The following SP3 variants were observed in gnomAD, a reference collection of about 807,000 sequenced individuals.
SP3 encodes the protein Sp3 transcription factor, also known as transcription factor Sp3.
SP3 carries 10 observed loss-of-function variants against 70.3 expected under a neutral mutation model. The ratio of observed to expected loss-of-function variants is 0.14; its 90% CI spans 0.09 to 0.24. SP3 has a LOEUF of 0.24. Ranked by LOEUF, SP3 falls within the 10% of genes least tolerant of loss-of-function variation. SP3 has a pLI of 1.00. For missense variants in SP3, 825 were observed against 914.6 expected (o/e 0.90, Z 1.26); for synonymous variants, 402 against 333.5 (o/e 1.21, Z -2.24).
chr2:173,927,749 C>G (rs963418900), intron 4 of SP3, among the ~76,000 whole-genome samples: 1 of 152,052 alleles, frequency 6.6e-6, no homozygotes. Flanking sequence ...ATTTGTGTAT[C>G]GCTTTAAAAA....
intron 4 of SP3, among the ~76,000 whole-genome samples, chr2:173,919,654 G>A (rs1007743890): frequency 2.0e-5 from 3 of 152,154 alleles, no homozygotes; most frequent in Admixed American, 6.5e-5. Flanking sequence ...AATTCACAAT[G>A]AGATATCATT....
rs1240986316 is a variant in SP3 at position 173,965,178 on chromosome 2, T to C, written c.-7A>G. 3.9e-6 allele frequency: 6 copies of C among 1,545,894 alleles called. No individual in the cohort carries two copies. The East Asian group carries it at 7.4e-5, about 19-fold the overall frequency. On this transcript the variant is annotated 5_prime_UTR_variant, in exon 1 of 7. Coordinates refer to ENST00000310015, the MANE Select transcript of SP3 (RefSeq NM_003111.5). Reference sequence around the variant, plus strand: ...GGCTTTACGTACCGGTCATAGTGTGTTTAGGGCACCTCAGGCGGGGCTCCC... The same window carrying C: ...GGCTTTACGTACCGGTCATAGTGTGCTTAGGGCACCTCAGGCGGGGCTCCC...
intron 1 of SP3, 200 bp from the exon 2 acceptor site, chr2:173,964,753 C>CCCTCCT (rs1050310605): frequency 4.7e-6 from 2 of 425,134 alleles, no homozygotes; most frequent in Non-Finnish European, 8.2e-6. Flanking sequence ...CTGCCTGTAA[C>CCCTCCT]CCTCCTCCTC....
chr2:173,922,632 T>C (rs1042344471), intron 4 of SP3, among the ~76,000 whole-genome samples: 1 of 151,224 alleles, frequency 6.6e-6, no homozygotes, highest in African/African-American at 2.4e-5. Flanking sequence ...AGAGTGCCAG[T>C]GAGATATGAG....
intron 3 of SP3, among the ~76,000 whole-genome samples, chr2:173,962,700 T>C (rs1691125318): frequency 6.6e-6 from 1 of 151,736 alleles, no homozygotes; most frequent in South Asian, 2.1e-4. Context: ...CTATACCAAA[T>C]ACCAAACTTC....
At chr2:173,938,194 AAGTTATAATCCC>A (rs1690261949) in intron 4 of SP3, among the ~76,000 whole-genome samples, 1 of 152,118 alleles carries the variant, frequency 6.6e-6, no homozygotes, top group Non-Finnish European at 1.5e-5. Context: ...CATCTGAACA[AAGTTATAATCCC>A]AGCACTTTGG....
At chr2:173,913,783 T>A (rs1689553308) in intron 5 of SP3, 1 of 152,196 alleles carries the variant, frequency 6.6e-6, no homozygotes, top group African/African-American at 2.4e-5. Flanking sequence ...CATATTTGTG[T>A]GGCCACACTC....
At chr2:173,938,732 G>A (rs1362929447) in intron 4 of SP3, among the ~76,000 whole-genome samples, 1 of 152,110 alleles carries the variant, frequency 6.6e-6, no homozygotes, top group Non-Finnish European at 1.5e-5. Context: ...TGCGGGATAA[G>A]GCAGTATCTG....
chr2:173,964,956 G>A, intron 1 of SP3: 1 of 613,950 alleles, frequency 1.6e-6, no homozygotes. Context: ...CCGGGGCCTG[G>A]CGGGGAGACG....
In SP3 at chr2:173,903,814, C is replaced by T. The variant is rs1444855454; in HGVS notation, c.*6127G>A. Among the ~76,000 whole-genome samples the T allele has an allele frequency of 6.6e-6, 1 of 152,170 alleles. No homozygotes were observed. The highest frequency in any genetic ancestry group is 2.4e-5 in the African/African-American group (1 of 41,448). On this transcript the variant is annotated 3_prime_UTR_variant, in exon 7 of 7. Transcript: ENST00000310015. ...GTTTTCTTGGACACATTCTACCAGT[C>T]TTTCAAGGCCCACCCTTTCTGATTC... is the stretch of plus-strand genomic sequence containing the variant.
chr2:173,953,793 A>AAC lies in SP3; in HGVS notation c.1639+1079_1639+1080insGT, dbSNP rs1211983306. Among the ~76,000 whole-genome samples, 317 of 152,112 alleles carry AAC rather than the reference A, an allele frequency of 2.1e-3. 2 individuals carry two copies. The highest frequency in any genetic ancestry group is 7.4e-3 in the African/African-American group (305 of 41,452). On this transcript the variant is annotated intron_variant, in intron 4 of 6. Transcript: ENST00000310015. ...AAAAAACAAAACAAAACAAAAAAAA[A>AAC]AACAACTACTGCTCTAAACCAGTTT...
At chr2:173,929,827 G>A (rs1229657735) in intron 4 of SP3, among the ~76,000 whole-genome samples, 1 of 152,182 alleles carries the variant, frequency 6.6e-6, no homozygotes, top group Non-Finnish European at 1.5e-5. Flanking sequence ...ATGGGGCAGA[G>A]AGCAAGATCA....
At chr2:173,911,330 A>C (rs1689477259) in intron 6 of SP3, among the ~76,000 whole-genome samples, 1 of 152,208 alleles carries the variant, frequency 6.6e-6, no homozygotes, top group African/African-American at 2.4e-5. Flanking sequence ...CCTACTTAAC[A>C]GAAATGTTAT....
chr2:173,935,647 C>T (rs761603685), intron 4 of SP3, among the ~76,000 whole-genome samples: 3 of 152,156 alleles, frequency 2.0e-5, no homozygotes. Context: ...TTATAATTCC[C>T]CTGCTCAGTT....
chr2:173,944,895 T>C (rs1690487183), intron 4 of SP3, among the ~76,000 whole-genome samples: 1 of 152,180 alleles, frequency 6.6e-6, no homozygotes, highest in Non-Finnish European at 1.5e-5. Context: ...GGCAGCTGGA[T>C]CACTTGAAGC....
intron 2 of SP3, chr2:173,964,089 C>A: frequency 2.9e-6 from 1 of 346,854 alleles, no homozygotes; most frequent in Admixed American, 4.9e-5. Context: ...AGCACCCCGG[C>A]TCCCCGGTCC....
intron 3 of SP3, among the ~76,000 whole-genome samples, chr2:173,957,508 A>T (rs1559110096): frequency 6.6e-6 from 1 of 152,182 alleles, no homozygotes; most frequent in Non-Finnish European, 1.5e-5. Flanking sequence ...TCACAAAAAG[A>T]AACCCTAAAT....
At chr2:173,960,867 T>C (rs1220709640) in intron 3 of SP3, among the ~76,000 whole-genome samples, 1 of 151,174 alleles carries the variant, frequency 6.6e-6, no homozygotes, top group African/African-American at 2.4e-5. Flanking sequence ...TCCCAGTTAC[T>C]CGGGAGGCTG....
chr2:173,930,944 T>C (rs971587333), intron 4 of SP3, among the ~76,000 whole-genome samples: 1 of 152,214 alleles, frequency 6.6e-6, no homozygotes, highest in African/African-American at 2.4e-5. Flanking sequence ...TTTAACCTAA[T>C]ATAGACATAC....
Sources: allele counts gnomAD v4.1 joint callset (sites outside exome capture counted in the v4.1 genomes callset), GRCh38; gene constraint gnomAD v4.1.1; transcripts MANE v1.5; gene names NCBI Gene and HGNC (gene_info 2026-07-23, HGNC 2026-07-21).